The following FAM227B variants were observed in gnomAD, a reference collection of about 807,000 sequenced individuals.
FAM227B encodes protein FAM227B.
FAM227B carries 88 observed loss-of-function variants against 73.8 expected under a neutral mutation model. That is an observed-to-expected ratio of 1.19 (90% CI 1.00 to 1.42). The LOEUF (loss-of-function observed/expected upper bound fraction) is 1.42, where lower values mean the gene tolerates loss of function less well. Ranked by LOEUF, FAM227B falls within the 40% of genes most tolerant of loss-of-function variation. The probability of loss-of-function intolerance (pLI) is 0.00; values close to 1 mark genes in which losing one functional copy is unlikely to be tolerated. For synonymous variants in FAM227B, 210 were observed against 190.5 expected, an observed-to-expected ratio of 1.10 and a Z score of -0.84; for missense variants, 632 against 590.9, an observed-to-expected ratio of 1.07 and a Z score of -0.72.
Position 49,383,696 on chromosome 15 carries a change from A to G in FAM227B, c.1013-12297T>C, listed in dbSNP as rs568629437. ...TGACAGATGAAACAAAAACCTCAGT[A>G]GATAACAGATGACGGACATAAGAAG... is the stretch of plus-strand genomic sequence containing the variant. On this transcript the variant is annotated intron_variant, in intron 11 of 15. Transcript: ENST00000299338. Among the ~76,000 whole-genome samples, 9 of 152,310 alleles carry G rather than the reference A, an allele frequency of 5.9e-5. No homozygotes were observed. The East Asian group carries it at 9.6e-4, about 16-fold the overall frequency.
chr15:49,340,403 G>T (rs867058365), intron 13 of FAM227B, among the ~76,000 whole-genome samples: 2 of 94,378 alleles, frequency 2.1e-5, no homozygotes, highest in Admixed American at 1.1e-4. Context: ...GCAGTGCCCC[G>T]CCCCCCCCCT....
chr15:49,416,331 T>C (rs1320158579), intron 11 of FAM227B, among the ~76,000 whole-genome samples: 2 of 152,016 alleles, frequency 1.3e-5, no homozygotes, highest in African/African-American at 2.4e-5. Context: ...TAAGTAAGAT[T>C]GGTTATATGG....
intron 11 of FAM227B, among the ~76,000 whole-genome samples, chr15:49,471,484 A>AAATAATAATAAT (rs201297260): frequency 9.4e-4 from 130 of 137,846 alleles, no homozygotes; most frequent in East Asian, 4.9e-3. Context: ...CTCTATCTCA[A>AAATAATAATAAT]AATAATAATA....
chr15:49,331,634 AT>A (rs2038773598), intron 15 of FAM227B, 145 bp downstream of exon 15: 1 of 601,296 alleles, frequency 1.7e-6, no homozygotes, highest in African/African-American at 1.9e-5. Context: ...TTACATGTGC[AT>A]GTAGATGATT....
At chr15:49,465,263 G>A (rs1294584148) in intron 11 of FAM227B, among the ~76,000 whole-genome samples, 1 of 151,802 alleles carries the variant, frequency 6.6e-6, no homozygotes, top group Non-Finnish European at 1.5e-5. Context: ...CCAAGTAGGT[G>A]GGATTACAGG....
intron 5 of FAM227B, among the ~76,000 whole-genome samples, chr15:49,586,855 T>C (rs910317088): frequency 6.6e-6 from 1 of 152,018 alleles, no homozygotes; most frequent in African/African-American, 2.4e-5. Flanking sequence ...AGAATAACTG[T>C]TATTAAAAAG....
intron 11 of FAM227B, among the ~76,000 whole-genome samples, chr15:49,379,512 T>C (rs1195886028): frequency 6.6e-6 from 1 of 152,212 alleles, no homozygotes; most frequent in Non-Finnish European, 1.5e-5. Context: ...TATGGTTCAA[T>C]CTTGGTAGGT....
intron 11 of FAM227B, among the ~76,000 whole-genome samples, chr15:49,463,512 C>T (rs2053987212): frequency 6.7e-6 from 1 of 149,460 alleles, no homozygotes; most frequent in Non-Finnish European, 1.5e-5. Context: ...GATTGTGCCA[C>T]TGCACTCCAG....
chr15:49,564,082 C>T (rs1009043548), intron 9 of FAM227B, among the ~76,000 whole-genome samples: 3 of 152,156 alleles, frequency 2.0e-5, no homozygotes, highest in Admixed American at 6.5e-5. Flanking sequence ...TATTCACAAA[C>T]TATTCATCCA....
rs781211218 is a variant in FAM227B, at chr15:49,328,110, T to G, written c.*458A>C. 5 of 1,614,074 alleles carry G rather than the reference T, an allele frequency of 3.1e-6. No homozygotes were observed. Among genetic ancestry groups the G allele is most frequent in the Non-Finnish European group, 4.2e-6 (5 of 1,179,974 alleles). ...AGCTTAGCACCGGAGAAGCAAAGTT[T>G]GTTTGCTACCAAACCTGGAGGTGGG... is the stretch of plus-strand genomic sequence containing the variant. On this transcript the variant is annotated 3_prime_UTR_variant, in exon 16 of 16. Transcript: ENST00000299338.
Position 49,617,776 on chromosome 15 carries a change from TTGTGTGTGTGTG to T in FAM227B, c.-72-2545_-72-2534del, listed in dbSNP as rs67917912. ...TGCAGGGCTATGCTCCTTTCATGTTTTGTGTGTGTGTGTGTGTGTGTGTGTGTGTGACAGAGT... is the reference window on the plus strand; with the variant it reads ...TGCAGGGCTATGCTCCTTTCATGTTTTGTGTGTGTGTGTGTGTGACAGAGT... On this transcript the variant is annotated intron_variant, in intron 1 of 15. Coordinates refer to ENST00000299338, the MANE Select transcript of FAM227B (RefSeq NM_152647.3). Among the ~76,000 whole-genome samples the T allele has an allele frequency of 2.1e-3, 304 of 148,210 alleles. 1 individual carries two copies. Among genetic ancestry groups the T allele is most frequent in the Non-Finnish European group, 3.6e-3 (242 of 66,908 alleles).
chr15:49,423,435 A>T (rs897157724), intron 11 of FAM227B: 2 of 152,330 alleles, frequency 1.3e-5, no homozygotes, highest in South Asian at 4.1e-4. Flanking sequence ...GTTAGCAACA[A>T]AACAAGTAAG....
Position 49,413,318 on chromosome 15 carries a change from C to T in FAM227B, c.1013-41919G>A, listed in dbSNP as rs114273673. On this transcript the variant is annotated intron_variant, in intron 11 of 15. Transcript: ENST00000299338. ...TCAGCTTTTGCTTCTCTCTCATTCT[C>T]TCTCTTTACCTGCTACCATCTGTGT... 8.9e-3 allele frequency among the ~76,000 whole-genome samples: 1,348 copies of T among 152,166 alleles called. 25 individuals are homozygous for T. Among genetic ancestry groups the T allele is most frequent in the African/African-American group, 0.031 (1,287 of 41,514 alleles).
At chr15:49,613,091 A>G (rs556642240) in intron 2 of FAM227B, among the ~76,000 whole-genome samples, 8 of 152,148 alleles carry the variant, frequency 5.3e-5, no homozygotes, top group Non-Finnish European at 1.2e-4. Flanking sequence ...GCTCATGCCT[A>G]TAATACCAGC....
intron 13 of FAM227B, among the ~76,000 whole-genome samples, chr15:49,344,541 G>A (rs2041193891): frequency 6.6e-6 from 1 of 152,126 alleles, no homozygotes; most frequent in Non-Finnish European, 1.5e-5. Flanking sequence ...CCCCACAAGA[G>A]CCTAGCGAGG....
intron 3 of FAM227B, among the ~76,000 whole-genome samples, chr15:49,607,152 C>G (rs1322443161): frequency 6.6e-6 from 1 of 152,108 alleles, no homozygotes; most frequent in Non-Finnish European, 1.5e-5. Context: ...CTAAACTCAT[C>G]ATACATTTGT....
At chr15:49,500,920 G>T (rs1217344520) in intron 11 of FAM227B, among the ~76,000 whole-genome samples, 1 of 152,098 alleles carries the variant, frequency 6.6e-6, no homozygotes, top group East Asian at 1.9e-4. Context: ...GCTTGATCCT[G>T]CTTTTGCCAT....
intron 2 of FAM227B, 198 bp downstream of exon 2, chr15:49,614,923 C>T: frequency 1.7e-6 from 1 of 580,490 alleles, no homozygotes; most frequent in Non-Finnish European, 3.1e-6. Flanking sequence ...TCCTCGGCTG[C>T]AGCACCCTAT....
At chr15:49,459,651 T>C (rs1386526609) in intron 11 of FAM227B, among the ~76,000 whole-genome samples, 3 of 152,184 alleles carry the variant, frequency 2.0e-5, no homozygotes, top group Non-Finnish European at 2.9e-5. Context: ...AAAACTAGTA[T>C]TTCTATAGTT....
Sources: gnomAD v4.1 joint callset for allele counts (sites outside exome capture counted in the v4.1 genomes callset) on GRCh38, gnomAD v4.1.1 for gene constraint, MANE v1.5 for transcripts, NCBI Gene and HGNC (gene_info 2026-07-23, HGNC 2026-07-21) for gene names.